The following XKR6 variants were observed in gnomAD, a reference collection of about 807,000 sequenced individuals.
XKR6 encodes XK-related protein 6.
A neutral mutation model predicts 56.7 loss-of-function variants in XKR6; 22 were observed. The observed-to-expected ratio is 0.39, with a 90% CI of 0.28 to 0.55. XKR6 has a LOEUF of 0.55. Ranked by LOEUF, XKR6 falls within the 20% of genes least tolerant of loss-of-function variation. The pLI is 0.66. For missense variants in XKR6, 852 were observed against 889.0 expected (o/e 0.96, Z 0.53); for synonymous variants, 524 against 387.8 (o/e 1.35, Z -4.13).
At chr8:11,094,222 T>C (rs117545546) in intron 1 of XKR6, among the ~76,000 whole-genome samples, 26 of 152,114 alleles carry the variant, frequency 1.7e-4, no homozygotes, top group South Asian at 1.5e-3. Flanking sequence ...CAGAGCCAAG[T>C]TGCACATGAT....
chr8:10,980,066 C>G (rs1797694002), intron 1 of XKR6, among the ~76,000 whole-genome samples: 1 of 152,224 alleles, frequency 6.6e-6, no homozygotes, highest in Non-Finnish European at 1.5e-5. Flanking sequence ...GATGAACAGA[C>G]AGGGGAGCTT....
intron 1 of XKR6, chr8:11,129,169 C>G (rs1799978118): frequency 2.8e-6 from 1 of 358,120 alleles, no homozygotes; most frequent in African/African-American, 2.1e-5. Context: ...CATTTTGCAA[C>G]TAGACAGAGG....
At chr8:11,023,896 C>A (rs1205385299) in intron 1 of XKR6, among the ~76,000 whole-genome samples, 2 of 152,156 alleles carry the variant, frequency 1.3e-5, no homozygotes, top group Non-Finnish European at 2.9e-5. Flanking sequence ...CCCAAAGACT[C>A]CGGAATGAGG....
chr8:11,125,181 A>G (rs1432458261), intron 1 of XKR6, among the ~76,000 whole-genome samples: 3 of 152,044 alleles, frequency 2.0e-5, no homozygotes, highest in Non-Finnish European at 4.4e-5. Flanking sequence ...GGGAGTGCAC[A>G]GGTCACATGC....
chr8:10,974,293 GA>G (rs1802490568), intron 1 of XKR6, among the ~76,000 whole-genome samples: 1 of 152,196 alleles, frequency 6.6e-6, no homozygotes, highest in Non-Finnish European at 1.5e-5. Flanking sequence ...TGCTGCACCT[GA>G]GAGGGCCTGT....
chr8:11,092,258 C>T (rs970068027), intron 1 of XKR6, among the ~76,000 whole-genome samples: 4 of 152,206 alleles, frequency 2.6e-5, no homozygotes, highest in African/African-American at 7.2e-5. Context: ...TTTTTCACTG[C>T]AACTCATTGT....
At chr8:11,099,975 G>C (rs1798408266) in intron 1 of XKR6, among the ~76,000 whole-genome samples, 1 of 152,192 alleles carries the variant, frequency 6.6e-6, no homozygotes, top group African/African-American at 2.4e-5. Context: ...GCACGGGGGA[G>C]TAGGGCACCC....
chr8:10,994,237 C>G (rs1251194162), intron 1 of XKR6, among the ~76,000 whole-genome samples: 1 of 152,198 alleles, frequency 6.6e-6, no homozygotes, highest in East Asian at 1.9e-4. Flanking sequence ...CCACCCTGAG[C>G]TTTTCGTGCA....
At chr8:11,184,965 A>G (rs1238885463) in intron 1 of XKR6, among the ~76,000 whole-genome samples, 2 of 152,208 alleles carry the variant, frequency 1.3e-5, no homozygotes, top group African/African-American at 4.8e-5. Context: ...ATTTAGTTAC[A>G]CAGTTGATAA....
chr8:10,970,680 G>A (rs1351899581), intron 1 of XKR6, among the ~76,000 whole-genome samples: 1 of 151,946 alleles, frequency 6.6e-6, no homozygotes, highest in Admixed American at 6.6e-5. Context: ...AGCATTTATT[G>A]GGCCTCAGTT....
chr8:11,096,607 T>C (rs968683140), intron 1 of XKR6, among the ~76,000 whole-genome samples: 6 of 152,204 alleles, frequency 3.9e-5, no homozygotes, highest in African/African-American at 1.2e-4. Context: ...AAAAGGAAGA[T>C]GGACCGATGT....
At chr8:11,065,367 T>A (rs1231487987) in intron 1 of XKR6, among the ~76,000 whole-genome samples, 1 of 152,210 alleles carries the variant, frequency 6.6e-6, no homozygotes, top group Non-Finnish European at 1.5e-5. Flanking sequence ...TATCATGTAA[T>A]CTTCAAAATC....
chr8:10,937,555 ATGG>A (rs1204619508), intron 1 of XKR6, among the ~76,000 whole-genome samples: 8 of 147,740 alleles, frequency 5.4e-5, no homozygotes, highest in Admixed American at 6.7e-5. Flanking sequence ...GTCTTTGATG[ATGG>A]TGATGTACAG....
At chr8:11,051,819 T>TA (rs1019416954) in intron 1 of XKR6, among the ~76,000 whole-genome samples, 8 of 150,850 alleles carry the variant, frequency 5.3e-5, no homozygotes, top group Admixed American at 2.0e-4. Flanking sequence ...GTGTTTCTTC[T>TA]AAAAAAAAGC....
chr8:11,142,732 C>T (rs923565687), intron 1 of XKR6, among the ~76,000 whole-genome samples: 9 of 152,158 alleles, frequency 5.9e-5, no homozygotes, highest in Admixed American at 3.3e-4. Context: ...CCTGCAGAAC[C>T]ATGAGCCAAT....
At chr8:11,082,396 T>C (rs150715789) in intron 1 of XKR6, among the ~76,000 whole-genome samples, 2 of 152,224 alleles carry the variant, frequency 1.3e-5, no homozygotes, top group South Asian at 4.1e-4. Context: ...AAACCTCAGC[T>C]GAGATAATAT....
intron 1 of XKR6, among the ~76,000 whole-genome samples, chr8:11,031,359 C>G (rs757485517): frequency 6.6e-6 from 1 of 152,214 alleles, no homozygotes; most frequent in African/African-American, 2.4e-5. Flanking sequence ...GGGGCTTATG[C>G]CAGCCCAGTG....
chr8:11,062,486 G>A (rs904264882), intron 1 of XKR6, among the ~76,000 whole-genome samples: 9 of 152,142 alleles, frequency 5.9e-5, no homozygotes, highest in African/African-American at 2.2e-4. Flanking sequence ...CCAGCTCCAT[G>A]AGGTCAGGAG....
Position 10,959,294 on chromosome 8 carries a change from C to G in XKR6, c.765-34464G>C, listed in dbSNP as rs551497326. ...TCGGCTTGCCATGTAGAAAGGGACA[C>G]TGGTTCTCTGTGACCCACAGGTGGT... On this transcript the variant is annotated intron_variant, in intron 1 of 2. Transcript: ENST00000416569. Among the ~76,000 whole-genome samples the G allele has an allele frequency of 1.2e-3, 190 of 152,242 alleles. 1 individual carries two copies. Among genetic ancestry groups the G allele is most frequent in the African/African-American group, 4.4e-3 (182 of 41,530 alleles).
Sources: allele counts gnomAD v4.1 joint callset (sites outside exome capture counted in the v4.1 genomes callset), GRCh38; gene constraint gnomAD v4.1.1; transcripts MANE v1.5; gene names NCBI Gene and HGNC (gene_info 2026-07-23, HGNC 2026-07-21).